Variants in DCAF8L2 observed in about 807,000 individuals in gnomAD.
The protein encoded by DCAF8L2 is DDB1 and CUL4 associated factor 8 like 2.
For missense variants in DCAF8L2, 430 were observed against 490.7 expected (o/e 0.88, Z 1.17); for synonymous variants, 200 against 190.9 (o/e 1.05, Z -0.39).
the DCAF8L2 span, among the ~76,000 whole-genome samples, chrX:27,483,693 C>T: frequency 9.0e-6 from 1 of 110,980 alleles, no homozygotes; most frequent in African/African-American, 3.3e-5. Context: ...TCCTTGCTTC[C>T]TTCCCATTTA....
In DCAF8L2 at chrX:27,747,532, G is replaced by A. The variant is rs747290313; in HGVS notation, c.637G>A (p.Ala213Thr). Residue 213 changes from alanine to threonine, a missense_variant, in exon 5 of 5, where the codon GCC becomes ACC. Physicochemically the swap from Ala to Thr is moderately conservative, Grantham distance 58. Transcript: ENST00000451261. ...TGTATATGAGGCCTGTGGGGCAAGA[G>A]CCTTTGTGCAGCGTTTCCGCCTGCA... ...RFVYEACGAR[A>T]FVQRFRLQYR... 42 of 1,179,558 alleles carry A rather than the reference G, an allele frequency of 3.6e-5. No homozygotes were observed. Among genetic ancestry groups the A allele is most frequent in the Non-Finnish European group, 4.5e-5 (40 of 879,579 alleles).
chrX:27,622,784 G>C (rs1299518506), intron 1 of DCAF8L2, among the ~76,000 whole-genome samples: 1 of 101,693 alleles, frequency 9.8e-6, no homozygotes, highest in Non-Finnish European at 2.0e-5. Flanking sequence ...CTTTGGCAGA[G>C]AGAAATAGTG....
chrX:27,506,413 G>A, the DCAF8L2 span, among the ~76,000 whole-genome samples: 4 of 111,578 alleles, frequency 3.6e-5, no homozygotes, highest in African/African-American at 1.3e-4. Flanking sequence ...CTGTAAGAAA[G>A]TCTCACAAAC....
At chrX:27,542,307 T>C in the DCAF8L2 span, among the ~76,000 whole-genome samples, 1 of 111,204 alleles carries the variant, frequency 9.0e-6, no homozygotes, top group Non-Finnish European at 1.9e-5. Flanking sequence ...AACTAATTTA[T>C]ATTCCCGCCA....
At chrX:27,651,412 C>T (rs1487352577) in intron 2 of DCAF8L2, among the ~76,000 whole-genome samples, 1 of 108,858 alleles carries the variant, frequency 9.2e-6, no homozygotes, top group Non-Finnish European at 1.9e-5. Flanking sequence ...GTATGTCCTT[C>T]ATTAAAACCC....
At chrX:27,469,761 A>C in the DCAF8L2 span, among the ~76,000 whole-genome samples, 1 of 107,693 alleles carries the variant, frequency 9.3e-6, no homozygotes, top group Non-Finnish European at 1.9e-5. Flanking sequence ...CCGCTTGCTG[A>C]TCTGCTATCA....
intron 1 of DCAF8L2, among the ~76,000 whole-genome samples, chrX:27,591,821 T>C (rs1327217958): frequency 8.9e-6 from 1 of 111,985 alleles, no homozygotes; most frequent in Non-Finnish European, 1.9e-5. Context: ...AATGTTAACA[T>C]GTTCCCTGTC....
intron 2 of DCAF8L2, among the ~76,000 whole-genome samples, chrX:27,654,600 A>C (rs1929280342): frequency 8.9e-6 from 1 of 111,970 alleles, no homozygotes. Flanking sequence ...CAGTGCTAGA[A>C]CATCAAAAGA....
chrX:27,544,801 G>C, the DCAF8L2 span, among the ~76,000 whole-genome samples: 2 of 111,612 alleles, frequency 1.8e-5, no homozygotes, highest in African/African-American at 6.5e-5. Context: ...CTGAAACTGA[G>C]TATTTATTAG....
At chrX:27,589,656 AAAAG>A (rs2147104552), upstream of DCAF8L2, among the ~76,000 whole-genome samples, 1 of 112,261 alleles carries the variant, frequency 8.9e-6, no homozygotes, top group East Asian at 2.8e-4. Flanking sequence ...TTGCACATAA[AAAAG>A]GAAGGAAGAA....
chrX:27,507,309 T>C, the DCAF8L2 span, among the ~76,000 whole-genome samples: 1 of 111,836 alleles, frequency 8.9e-6, no homozygotes, highest in Non-Finnish European at 1.9e-5. Flanking sequence ...CAGGACATTC[T>C]GAATTTTATT....
chrX:27,657,022 T>A (rs1217084122), intron 2 of DCAF8L2, among the ~76,000 whole-genome samples: 2 of 110,401 alleles, frequency 1.8e-5, no homozygotes, highest in Non-Finnish European at 3.8e-5. Flanking sequence ...CACCATCTAA[T>A]CAACTACTTG....
At chrX:27,622,131 C>T (rs970694924) in intron 1 of DCAF8L2, among the ~76,000 whole-genome samples, 4 of 111,272 alleles carry the variant, frequency 3.6e-5, no homozygotes, top group Non-Finnish European at 5.6e-5. Flanking sequence ...CATCTCTATT[C>T]AACAGAGTGT....
At chrX:27,547,257 G>T in the DCAF8L2 span, among the ~76,000 whole-genome samples, 1 of 111,577 alleles carries the variant, frequency 9.0e-6, no homozygotes, top group African/African-American at 3.3e-5. Context: ...CAGCATTTTG[G>T]TCAAAACCAT....
chrX:27,743,488 C>T (rs1186248989), intron 4 of DCAF8L2, among the ~76,000 whole-genome samples: 2 of 109,574 alleles, frequency 1.8e-5, no homozygotes, highest in African/African-American at 3.3e-5. Flanking sequence ...ACCTCTGCCT[C>T]CCGGGTTCAA....
the DCAF8L2 span, among the ~76,000 whole-genome samples, chrX:27,538,395 T>G: frequency 9.1e-6 from 1 of 110,079 alleles, no homozygotes; most frequent in African/African-American, 3.3e-5. Flanking sequence ...TTTTATTTAT[T>G]TATTTATTTA....
At chrX:27,652,816 T>G (rs1929202009) in intron 2 of DCAF8L2, among the ~76,000 whole-genome samples, 1 of 111,919 alleles carries the variant, frequency 8.9e-6, no homozygotes, top group Non-Finnish European at 1.9e-5. Flanking sequence ...GATATGTGAC[T>G]GTCCCTGGAA....
chrX:27,583,752 G>C, the DCAF8L2 span, among the ~76,000 whole-genome samples: 1 of 111,365 alleles, frequency 9.0e-6, no homozygotes, highest in Non-Finnish European at 1.9e-5. Flanking sequence ...CGCTCCTTAC[G>C]AGAATGTAAT....
intron 2 of DCAF8L2, among the ~76,000 whole-genome samples, chrX:27,665,686 C>T (rs1252491537): frequency 2.7e-5 from 3 of 111,219 alleles, no homozygotes; most frequent in Non-Finnish European, 5.7e-5. Flanking sequence ...AAGAAATTAC[C>T]ATAGCCACCC....
Sources: allele counts gnomAD v4.1 joint callset (sites outside exome capture counted in the v4.1 genomes callset), GRCh38; gene constraint gnomAD v4.1.1; transcripts MANE v1.5; gene names NCBI Gene and HGNC (gene_info 2026-07-23, HGNC 2026-07-21).